Variants in POLR2F observed in about 807,000 individuals in gnomAD.
The protein encoded by POLR2F is RNA polymerase II, I and III subunit F, also known as DNA-directed RNA polymerases I, II, and III subunit RPABC2.
In POLR2F, 12 loss-of-function variants were observed where a neutral mutation model predicts 22.7. The observed-to-expected ratio is 0.53, with a 90% CI of 0.34 to 0.86. The LOEUF is 0.86. Ranked by LOEUF, POLR2F falls within the 40% of genes least tolerant of loss-of-function variation. The pLI is 0.02. For synonymous variants in POLR2F, 57 were observed against 66.0 expected, an observed-to-expected ratio of 0.86 and a Z score of 0.66; for missense variants, 126 against 171.5, an observed-to-expected ratio of 0.73 and a Z score of 1.48.
Position 37,986,627 on chromosome 22 carries a change from GCA to G in POLR2F, c.120+318_120+319del. ...CTCCCTCTCTCTCTCCCTTGTCCCC[GCA>G]CAGACACTGCCTTCCTCTCAGGGCT... is the stretch of plus-strand genomic sequence containing the variant. On this transcript the variant is annotated intron_variant, in intron 1 of 2. Transcript: ENST00000333418. The surrounding 1 kb of genome is among the most constrained non-coding windows in gnomAD (Gnocchi z 4.7). 1.5e-6 allele frequency: 1 copy of G among 652,848 alleles called. No homozygotes were observed. The highest frequency in any genetic ancestry group is 1.5e-5 in the South Asian group (1 of 66,240). The allele number at this position is 652,848 out of a possible 1,614,324, so 40.4% of individuals were successfully genotyped here. A position where few individuals can be genotyped will look rare whatever the true frequency, so the allele number is the denominator to read the frequency against.
chr22:37,973,456 G>A, downstream of POLR2F: 2 of 1,337,880 alleles, frequency 1.5e-6, no homozygotes, highest in Non-Finnish European at 2.1e-6. Flanking sequence ...CAGGCTGGGG[G>A]CAGGGGCTGG....
chr22:38,022,626 A>C (rs974440456), intron 1 of POLR2F, among the ~76,000 whole-genome samples: 1 of 152,090 alleles, frequency 6.6e-6, no homozygotes, highest in African/African-American at 2.4e-5. Context: ...TCAAGGCATT[A>C]TCTGTTTATT....
chr22:37,990,939 G>A (rs561114258), intron 1 of POLR2F, among the ~76,000 whole-genome samples: 10 of 152,348 alleles, frequency 6.6e-5, no homozygotes, highest in Non-Finnish European at 1.5e-4. Flanking sequence ...ACACTGATAG[G>A]CATCTCTTGA....
intron 1 of POLR2F, among the ~76,000 whole-genome samples, chr22:38,014,342 C>G (rs970405577): frequency 9.3e-5 from 14 of 150,390 alleles, no homozygotes; most frequent in Non-Finnish European, 1.8e-4. Flanking sequence ...CTGGCTAGGA[C>G]TTATTTTTTT....
downstream of POLR2F, chr22:37,973,668 G>A: frequency 6.2e-7 from 1 of 1,613,514 alleles, no homozygotes; most frequent in Non-Finnish European, 8.5e-7. Flanking sequence ...CCATAATAGG[G>A]TCCTGAGGGC....
intron 2 of POLR2F, among the ~76,000 whole-genome samples, chr22:37,957,104 C>T (rs142058716): frequency 1.4e-4 from 21 of 152,322 alleles, no homozygotes; most frequent in African/African-American, 5.1e-4. Flanking sequence ...TGCCTTCCTT[C>T]ATTTGGCAAA....
intron 5 of POLR2F, among the ~76,000 whole-genome samples, chr22:38,034,534 G>A (rs897066589): frequency 6.6e-5 from 10 of 152,338 alleles, no homozygotes; most frequent in East Asian, 1.9e-4. Context: ...GGCGGGGTGC[G>A]GAGGCAGCCA....
At chr22:37,972,109 AGAGAG>A (rs1387848871), downstream of POLR2F, 32 of 279,288 alleles carry the variant, frequency 1.1e-4, no homozygotes, top group South Asian at 5.9e-4. Context: ...AGAGAGAGAA[AGAGAG>A]GAGAGAAGGG....
chr22:37,985,571 G>A (rs1932545886), upstream of POLR2F, among the ~76,000 whole-genome samples: 1 of 152,188 alleles, frequency 6.6e-6, no homozygotes, highest in Admixed American at 6.5e-5. Context: ...GAGGTGGGGT[G>A]TATGTGGGTT....
chr22:37,985,989 G>T (rs117896793), upstream of POLR2F: 27,208 of 1,165,750 alleles, frequency 0.023, 395 homozygotes, highest in Admixed American at 0.029. Context: ...AGTTTTCCTC[G>T]ACGCCACCCC....
chr22:38,039,045 G>A (rs1186133014), intron 5 of POLR2F, among the ~76,000 whole-genome samples: 1 of 152,212 alleles, frequency 6.6e-6, no homozygotes, highest in Non-Finnish European at 1.5e-5. Context: ...CCTCGTCCCT[G>A]CATGGGACAA....
intron 3 of POLR2F, among the ~76,000 whole-genome samples, chr22:37,965,033 G>A (rs1369461144): frequency 1.3e-5 from 2 of 152,278 alleles, no homozygotes; most frequent in East Asian, 3.9e-4. Context: ...TGCAGGTGGA[G>A]TCTCACTCTG....
At chr22:37,988,239 A>G (rs1932639316) in intron 1 of POLR2F, 1 of 149,504 alleles carries the variant, frequency 6.7e-6, no homozygotes, top group Admixed American at 6.7e-5. Flanking sequence ...CTGAGGCAGG[A>G]GAATCACTTG....
chr22:37,967,747 C>G lies in POLR2F; in HGVS notation c.*32C>G, dbSNP rs1432747136. 1 of 1,593,020 alleles carries G rather than the reference C, an allele frequency of 6.3e-7. No individual in the cohort carries two copies. ...GTCATCTTCCTGCCCTTGCCCCATG[C>G]CCAATTTTCATTCTCACTTTATATG... On this transcript the variant is annotated 3_prime_UTR_variant, in exon 5 of 5. Transcript: ENST00000442738.
chr22:37,998,610 C>T (rs1031629909), intron 1 of POLR2F, among the ~76,000 whole-genome samples: 1 of 152,144 alleles, frequency 6.6e-6, no homozygotes, highest in African/African-American at 2.4e-5. Flanking sequence ...CTCTCTGCAC[C>T]CTCCCTACTG....
At chr22:37,994,737 A>G (rs2084696265) in intron 1 of POLR2F, among the ~76,000 whole-genome samples, 1 of 152,052 alleles carries the variant, frequency 6.6e-6, no homozygotes, top group Admixed American at 6.5e-5. Flanking sequence ...CGAGCTCCTG[A>G]CCTGGTGATC....
chr22:38,001,526 C>T (rs1048579065), intron 1 of POLR2F, among the ~76,000 whole-genome samples: 1 of 152,084 alleles, frequency 6.6e-6, no homozygotes, highest in African/African-American at 2.4e-5. Flanking sequence ...GGCTCCTGGA[C>T]TATAGAGTTG....
At chr22:38,022,578 AAGAC>A (rs886989405) in intron 1 of POLR2F, among the ~76,000 whole-genome samples, 12 of 151,728 alleles carry the variant, frequency 7.9e-5, no homozygotes, top group East Asian at 3.9e-4. Flanking sequence ...AAAAGAAAGA[AAGAC>A]AGAAAAGAAT....
intron 1 of POLR2F, among the ~76,000 whole-genome samples, chr22:37,996,363 C>T (rs1356864177): frequency 2.6e-5 from 4 of 152,358 alleles, no homozygotes; most frequent in South Asian, 2.1e-4. Flanking sequence ...CCCCACCCTC[C>T]GCCCCCATCT....
Sources: allele counts gnomAD v4.1 joint callset (sites outside exome capture counted in the v4.1 genomes callset), GRCh38; gene constraint gnomAD v4.1.1; non-coding constraint Gnocchi (gnomAD v3.1); transcripts MANE v1.5; gene names NCBI Gene and HGNC (gene_info 2026-07-23, HGNC 2026-07-21).